The following SDCCAG8 variants were observed in gnomAD, a reference collection of about 807,000 sequenced individuals.
SDCCAG8 encodes the protein SHH signaling and ciliogenesis regulator SDCCAG8.
A neutral mutation model predicts 101.8 loss-of-function variants in SDCCAG8; 74 were observed. The observed-to-expected ratio is 0.73, with a 90% CI of 0.60 to 0.88. SDCCAG8 has a LOEUF of 0.88. Among genes scored for constraint, SDCCAG8 ranks in the 40% least tolerant of loss-of-function variants. The pLI, the probability that SDCCAG8 is intolerant of heterozygous loss-of-function variation, is 0.00. For synonymous variants in SDCCAG8, 281 were observed against 292.9 expected (o/e 0.96, Z 0.41); for missense variants, 787 against 822.6 (o/e 0.96, Z 0.53).
At chr1:243,294,808 G>T (rs1037784512) in intron 6 of SDCCAG8, among the ~76,000 whole-genome samples, 2 of 149,318 alleles carry the variant, frequency 1.3e-5, no homozygotes, top group African/African-American at 4.9e-5. Flanking sequence ...TGTAACAGAC[G>T]TTTATTCTTC....
chr1:243,484,169 C>T (rs1664322288), intron 16 of SDCCAG8, among the ~76,000 whole-genome samples: 10 of 152,258 alleles, frequency 6.6e-5, no homozygotes, highest in Admixed American at 6.5e-4. Context: ...TTAAATGGCA[C>T]TGCCATTGCC....
chr1:243,454,353 C>G (rs142431449), intron 16 of SDCCAG8, among the ~76,000 whole-genome samples: 74 of 152,186 alleles, frequency 4.9e-4, no homozygotes, highest in African/African-American at 1.7e-3. Context: ...TTTCCACAGG[C>G]CTAAAATCAG....
intron 10 of SDCCAG8, among the ~76,000 whole-genome samples, chr1:243,337,709 T>G (rs2075107480): frequency 6.6e-6 from 1 of 152,188 alleles, no homozygotes; most frequent in African/African-American, 2.4e-5. Context: ...ATTTAATAAA[T>G]TTTAGCTTGT....
At chr1:243,386,289 G>C (rs1489016603) in intron 13 of SDCCAG8, among the ~76,000 whole-genome samples, 1 of 152,192 alleles carries the variant, frequency 6.6e-6, no homozygotes, top group Non-Finnish European at 1.5e-5. Flanking sequence ...TGCAAAGCTT[G>C]TACCCTTATC....
rs369079480 is a variant in SDCCAG8 at position 243,499,864 on chromosome 1, C to T, written c.*79C>T. On this transcript the variant is annotated 3_prime_UTR_variant, in exon 18 of 18. Coordinates refer to ENST00000366541, the MANE Select transcript of SDCCAG8 (RefSeq NM_006642.5). Reference sequence around the variant, plus strand: ...CTGGTTTAGACTTAATATGCCACAACGCACCACGACCTTCCCAGGGTGACA... The same window carrying T: ...CTGGTTTAGACTTAATATGCCACAATGCACCACGACCTTCCCAGGGTGACA... 7.2e-5 allele frequency: 99 copies of T among 1,380,642 alleles called. No homozygotes were observed. Among genetic ancestry groups the T allele is most frequent in the East Asian group, 1.2e-4 (5 of 42,948 alleles). 85.5% of individuals were successfully genotyped at this position (1,380,642 alleles called of 1,614,324 possible). A position where few individuals can be genotyped will look rare whatever the true frequency, so the allele number is the denominator to read the frequency against.
chr1:243,294,127 G>A (rs922522923), intron 6 of SDCCAG8, among the ~76,000 whole-genome samples: 3 of 152,042 alleles, frequency 2.0e-5, no homozygotes, highest in Admixed American at 6.5e-5. Context: ...TTTCTCGAGC[G>A]TAGTTTCTGT....
intron 7 of SDCCAG8, chr1:243,305,895 C>T (rs1573139133): frequency 6.6e-6 from 1 of 152,016 alleles, no homozygotes; most frequent in African/African-American, 2.4e-5. Context: ...TCGAGACTAG[C>T]CTGGCCAATA....
At chr1:243,339,756 T>G (rs1261868394) in intron 10 of SDCCAG8, among the ~76,000 whole-genome samples, 1 of 152,212 alleles carries the variant, frequency 6.6e-6, no homozygotes. Context: ...AAACTTTGGT[T>G]CAATGTTGAT....
chr1:243,313,209 G>C (rs969183811), intron 8 of SDCCAG8, among the ~76,000 whole-genome samples: 1 of 152,182 alleles, frequency 6.6e-6, no homozygotes, highest in Non-Finnish European at 1.5e-5. Flanking sequence ...AAGAAATGTT[G>C]TAGTCAGCCT....
At position 243,270,328 on chromosome 1, in the gene SDCCAG8, C is replaced by G. The variant is rs1489534553; in HGVS notation, c.220+71C>G. The G allele has an allele frequency of 3.0e-6, 4 of 1,323,386 alleles. No homozygotes were observed. The African/African-American group carries it at 4.3e-5, about 14-fold the overall frequency. The allele number at this position is 1,323,386 out of a possible 1,614,324, so 82.0% of individuals were successfully genotyped here. On this transcript the variant is annotated intron_variant, in intron 2 of 17. Transcript: ENST00000366541. The stretch of plus-strand genomic sequence containing the variant: ...TTTTAAACTCCGTAGAATAATAACT[C>G]CATTCATTCTTCATTCTGCTGCTAT...
At chr1:243,269,785 C>A (rs1029952757) in intron 1 of SDCCAG8, among the ~76,000 whole-genome samples, 1 of 152,088 alleles carries the variant, frequency 6.6e-6, no homozygotes, top group African/African-American at 2.4e-5. Context: ...GAGCACTTCC[C>A]TTAGCAAGTT....
rs986425305 is a variant in SDCCAG8, at chr1:243,276,600, C to T, written c.420+1944C>T. Among the ~76,000 whole-genome samples, 4 of 152,130 alleles carry T rather than the reference C, an allele frequency of 2.6e-5. No individual in the cohort carries two copies. In the East Asian group the frequency reaches 7.7e-4, roughly 29 times the overall value. On this transcript the variant is annotated intron_variant, in intron 4 of 17. Transcript: ENST00000366541. ...TTCCCTTGTTATTAACATCTTGCAT[C>T]AGTGTGGCACATTTGTTACAACTGA...
chr1:243,454,913 GAATAAGCTTCCCAGATACGGTGGA>G (rs1159967985), intron 16 of SDCCAG8, among the ~76,000 whole-genome samples: 3 of 152,044 alleles, frequency 2.0e-5, no homozygotes, highest in African/African-American at 7.3e-5. Context: ...GATACGGTGG[GAATAAGCTTCCCAGATACGGTGGA>G]AATAAACTGC....
At chr1:243,429,088 G>A (rs1295323733) in intron 16 of SDCCAG8, among the ~76,000 whole-genome samples, 6 of 152,188 alleles carry the variant, frequency 3.9e-5, no homozygotes, top group Admixed American at 1.3e-4. Flanking sequence ...GCAGAGAAAA[G>A]TCATGACGTT....
At chr1:243,433,908 T>C (rs2081965753) in intron 16 of SDCCAG8, among the ~76,000 whole-genome samples, 1 of 152,220 alleles carries the variant, frequency 6.6e-6, no homozygotes, top group African/African-American at 2.4e-5. Flanking sequence ...CGAATGCTAA[T>C]GCAATATTCT....
intron 13 of SDCCAG8, among the ~76,000 whole-genome samples, chr1:243,414,845 A>ATGTGTGTGTG (rs35826806): frequency 2.0e-4 from 30 of 148,974 alleles, no homozygotes; most frequent in East Asian, 1.2e-3. Flanking sequence ...CCATTCTAAT[A>ATGTGTGTGTG]TGTGTGTGTG....
intron 16 of SDCCAG8, among the ~76,000 whole-genome samples, chr1:243,447,652 G>C (rs2083033717): frequency 6.6e-6 from 1 of 152,158 alleles, no homozygotes; most frequent in African/African-American, 2.4e-5. Flanking sequence ...AAAAAGGTTT[G>C]CATGATATCT....
intron 13 of SDCCAG8, among the ~76,000 whole-genome samples, chr1:243,399,108 GA>G (rs1284840382): frequency 6.6e-6 from 1 of 152,128 alleles, no homozygotes; most frequent in African/African-American, 2.4e-5. Flanking sequence ...AACTTTCTGT[GA>G]CTCATGATCA....
intron 11 of SDCCAG8, among the ~76,000 whole-genome samples, chr1:243,342,241 G>A (rs530699927): frequency 1.3e-5 from 2 of 152,316 alleles, no homozygotes; most frequent in East Asian, 1.9e-4. Flanking sequence ...TGATAATAGA[G>A]AGGCAGCTTT....
Sources: allele counts gnomAD v4.1 joint callset (sites outside exome capture counted in the v4.1 genomes callset), GRCh38; gene constraint gnomAD v4.1.1; transcripts MANE v1.5; gene names NCBI Gene and HGNC (gene_info 2026-07-23, HGNC 2026-07-21).